Variants in MDGA2 observed in about 807,000 individuals in gnomAD.
MDGA2 encodes MAM domain-containing glycosylphosphatidylinositol anchor protein 2.
In MDGA2, 40 loss-of-function variants were observed where a neutral mutation model predicts 117.8. The observed-to-expected ratio is 0.34, with a 90% confidence interval of 0.26 to 0.44. The LOEUF (loss-of-function observed/expected upper bound fraction) is 0.44, where lower values mean the gene tolerates loss of function less well. Among genes scored for constraint, MDGA2 ranks in the 20% least tolerant of loss-of-function variants. The probability of loss-of-function intolerance (pLI) is 1.00; values close to 1 mark genes in which losing one functional copy is unlikely to be tolerated. For missense variants in MDGA2, 1,123 were observed against 1,250.6 expected, an observed-to-expected ratio of 0.90 and a Z score of 1.54; for synonymous variants, 452 against 439.0, an observed-to-expected ratio of 1.03 and a Z score of -0.37.
Position 47,517,472 on chromosome 14 carries a change from A to AAAG in MDGA2, c.280+157044_280+157045insCTT. On this transcript the variant is annotated intron_variant, in intron 1 of 16. Coordinates refer to ENST00000399232, the MANE Select transcript of MDGA2 (RefSeq NM_001113498.3). ...ATAACTTCCAAAAATACTATTTTTAATCTTCATTTTAAAAAAGCAATATGC... is the reference window on the plus strand; with the variant it reads ...ATAACTTCCAAAAATACTATTTTTAAAAGTCTTCATTTTAAAAAAGCAATATGC... Among the ~76,000 whole-genome samples the AAAG allele has an allele frequency of 2.0e-5, 3 of 152,314 alleles. 1 individual carries two copies. The South Asian group carries it at 6.2e-4, about 32-fold the overall frequency.
intron 1 of MDGA2, among the ~76,000 whole-genome samples, chr14:47,638,901 C>T (rs909324261): frequency 6.6e-6 from 1 of 152,156 alleles, no homozygotes; most frequent in Non-Finnish European, 1.5e-5. Context: ...TCTCTGGTCT[C>T]ACCTTCTATT....
At chr14:47,464,887 A>C (rs973173211) in intron 1 of MDGA2, among the ~76,000 whole-genome samples, 2 of 151,978 alleles carry the variant, frequency 1.3e-5, no homozygotes, top group African/African-American at 4.8e-5. Context: ...AACAAAACAA[A>C]ACAAACAAAA....
rs182854418 is a variant in MDGA2, at chr14:47,172,939, C to A, written c.596-28665G>T. ...GAATGGATAACTAGAATAACCAATA[C>A]AGAGAAGTGCTTAAAGGAGCTGATG... is the stretch of plus-strand genomic sequence containing the variant. On this transcript the variant is annotated intron_variant, in intron 3 of 16. Coordinates refer to ENST00000399232, the MANE Select transcript of MDGA2 (RefSeq NM_001113498.3). Among the ~76,000 whole-genome samples the A allele has an allele frequency of 4.5e-3, 688 of 152,210 alleles. 4 individuals carry two copies. The highest frequency in any genetic ancestry group is 0.016 in the African/African-American group (654 of 41,532).
intron 1 of MDGA2, among the ~76,000 whole-genome samples, chr14:47,534,572 C>A (rs1010621723): frequency 6.6e-6 from 1 of 152,080 alleles, no homozygotes; most frequent in South Asian, 2.1e-4. Flanking sequence ...CTCGTGAGAA[C>A]TCGCTCATTA....
At chr14:47,615,652 A>T (rs1896936017) in intron 1 of MDGA2, among the ~76,000 whole-genome samples, 1 of 152,250 alleles carries the variant, frequency 6.6e-6, no homozygotes, top group African/African-American at 2.4e-5. Context: ...ATGCACATTG[A>T]CACAGTCCCC....
At chr14:46,862,090 CAT>C (rs1304967156) in intron 14 of MDGA2, among the ~76,000 whole-genome samples, 6 of 151,988 alleles carry the variant, frequency 3.9e-5, no homozygotes, top group East Asian at 1.9e-4. Context: ...GATACCAAAA[CAT>C]ATAAATTTAA....
intron 2 of MDGA2, among the ~76,000 whole-genome samples, chr14:47,263,497 T>C (rs1887867173): frequency 6.6e-6 from 1 of 151,978 alleles, no homozygotes; most frequent in Admixed American, 6.6e-5. Context: ...TACTACTAGT[T>C]TTTTAGTGTT....
At chr14:47,529,500 T>A (rs1469841539) in intron 1 of MDGA2, among the ~76,000 whole-genome samples, 1 of 152,120 alleles carries the variant, frequency 6.6e-6, no homozygotes, top group Admixed American at 6.5e-5. Context: ...TCCAATTATA[T>A]ACTTTTAGTT....
At chr14:47,238,894 A>T (rs984173773) in intron 2 of MDGA2, among the ~76,000 whole-genome samples, 9 of 151,782 alleles carry the variant, frequency 5.9e-5, no homozygotes, top group African/African-American at 2.2e-4. Flanking sequence ...AATATTTTTT[A>T]AATTAATAGA....
intron 1 of MDGA2, among the ~76,000 whole-genome samples, chr14:47,339,084 A>G (rs1890543807): frequency 6.6e-6 from 1 of 152,122 alleles, no homozygotes; most frequent in Non-Finnish European, 1.5e-5. Context: ...ATAAATTTGT[A>G]TCTTTTACAG....
chr14:46,987,265 C>G (rs1886894014), intron 8 of MDGA2, among the ~76,000 whole-genome samples: 1 of 152,094 alleles, frequency 6.6e-6, no homozygotes, highest in Admixed American at 6.6e-5. Flanking sequence ...ATTTTCATCA[C>G]TGGTTTGTTT....
At chr14:47,189,147 C>T (rs1002861131) in intron 3 of MDGA2, among the ~76,000 whole-genome samples, 6 of 152,142 alleles carry the variant, frequency 3.9e-5, no homozygotes, top group African/African-American at 1.2e-4. Flanking sequence ...CTTGATCTCA[C>T]TCTATCCTGT....
intron 8 of MDGA2, among the ~76,000 whole-genome samples, chr14:46,979,935 T>C (rs748851989): frequency 1.4e-4 from 21 of 152,254 alleles, no homozygotes; most frequent in Middle Eastern, 3.4e-3. Flanking sequence ...CAGCCTTCTA[T>C]TGGAAGAAGA....
intron 6 of MDGA2, among the ~76,000 whole-genome samples, chr14:47,087,756 T>C (rs1890957267): frequency 2.7e-5 from 4 of 149,588 alleles, no homozygotes; most frequent in African/African-American, 4.9e-5. Context: ...TGCGTTTTCA[T>C]ATTAGTATTC....
chr14:47,054,882 G>C (rs1308192867), intron 7 of MDGA2, among the ~76,000 whole-genome samples: 1 of 151,572 alleles, frequency 6.6e-6, no homozygotes, highest in South Asian at 2.1e-4. Flanking sequence ...ACATGTTAGA[G>C]CTAAAACCAT....
At chr14:47,479,707 C>G (rs566538833) in intron 1 of MDGA2, among the ~76,000 whole-genome samples, 1 of 151,838 alleles carries the variant, frequency 6.6e-6, no homozygotes, top group African/African-American at 2.4e-5. Context: ...AAATGTTTTT[C>G]TAAATAACCA....
chr14:47,357,041 A>G (rs545951367), intron 1 of MDGA2, among the ~76,000 whole-genome samples: 1 of 152,186 alleles, frequency 6.6e-6, no homozygotes, highest in Non-Finnish European at 1.5e-5. Context: ...GAGAATCCTT[A>G]TCTTCTCAGT....
intron 3 of MDGA2, among the ~76,000 whole-genome samples, chr14:47,204,808 T>C (rs1885624162): frequency 6.6e-6 from 1 of 152,034 alleles, no homozygotes; most frequent in Non-Finnish European, 1.5e-5. Context: ...TGAGTTCTTC[T>C]ACTACCAACA....
intron 1 of MDGA2, among the ~76,000 whole-genome samples, chr14:47,520,955 T>A (rs1283107042): frequency 6.6e-6 from 1 of 152,200 alleles, no homozygotes; most frequent in African/African-American, 2.4e-5. Flanking sequence ...GAATTTCAAC[T>A]TACACGAGAA....
Sources: allele counts gnomAD v4.1 joint callset (sites outside exome capture counted in the v4.1 genomes callset), GRCh38; gene constraint gnomAD v4.1.1; transcripts MANE v1.5; gene names NCBI Gene and HGNC (gene_info 2026-07-23, HGNC 2026-07-21).